Variants in SCAPER observed in about 807,000 individuals in gnomAD.
The protein encoded by SCAPER is S-phase cyclin A associated protein in the ER.
Under a neutral mutation model 182.2 loss-of-function variants are expected in SCAPER, and 98 were observed. The observed-to-expected ratio is 0.54, with a 90% CI of 0.46 to 0.64. The LOEUF (loss-of-function observed/expected upper bound fraction) is 0.64, where lower values mean the gene tolerates loss of function less well. Ranked by LOEUF, SCAPER falls within the 30% of genes least tolerant of loss-of-function variation. SCAPER has a pLI of 0.00. For missense variants in SCAPER, 1,432 were observed against 1,690.0 expected (o/e 0.85, Z 2.68); for synonymous variants, 605 against 564.6 (o/e 1.07, Z -1.01).
chr15:76,817,881 T>G (rs2067217128), intron 5 of SCAPER, among the ~76,000 whole-genome samples: 1 of 152,166 alleles, frequency 6.6e-6, no homozygotes, highest in Non-Finnish European at 1.5e-5. Flanking sequence ...ATTGTCAAAA[T>G]GTCAATCAGT....
chr15:76,831,013 G>A (rs2068425881), intron 5 of SCAPER, among the ~76,000 whole-genome samples: 2 of 152,122 alleles, frequency 1.3e-5, no homozygotes, highest in Admixed American at 1.3e-4. Flanking sequence ...CCAAAGACCT[G>A]CAGGAGCCCC....
At chr15:76,634,748 C>T (rs1254288292) in intron 21 of SCAPER, among the ~76,000 whole-genome samples, 1 of 151,942 alleles carries the variant, frequency 6.6e-6, no homozygotes, top group Non-Finnish European at 1.5e-5. Flanking sequence ...TTGGATTGCT[C>T]ATTGTTTGTA....
intron 27 of SCAPER, among the ~76,000 whole-genome samples, chr15:76,391,485 T>C (rs1193966224): frequency 6.6e-6 from 1 of 152,138 alleles, no homozygotes. Flanking sequence ...GAGTAAATAT[T>C]TGCCAAAGAA....
chr15:76,511,212 C>A (rs934607643), intron 23 of SCAPER, among the ~76,000 whole-genome samples: 5 of 151,954 alleles, frequency 3.3e-5, no homozygotes, highest in Non-Finnish European at 7.4e-5. Flanking sequence ...AGAACTTACT[C>A]ATGTAACCAA....
intron 27 of SCAPER, among the ~76,000 whole-genome samples, chr15:76,388,664 A>T (rs2043446698): frequency 6.6e-6 from 1 of 152,146 alleles, no homozygotes. Flanking sequence ...TCTACTTTGA[A>T]AATTACAGTC....
chr15:76,759,915 A>T (rs1203065639), intron 14 of SCAPER, among the ~76,000 whole-genome samples: 1 of 152,136 alleles, frequency 6.6e-6, no homozygotes, highest in Non-Finnish European at 1.5e-5. Context: ...ACCGGTCTGT[A>T]GTTTTCCCCT....
intron 1 of SCAPER, among the ~76,000 whole-genome samples, chr15:76,887,500 T>C (rs891783035): frequency 1.3e-5 from 2 of 152,064 alleles, no homozygotes; most frequent in African/African-American, 4.8e-5. Context: ...TAGGAGATCC[T>C]CTCCCATGCC....
At chr15:76,729,295 TACACACACACAC>T (rs57440824) in intron 16 of SCAPER, among the ~76,000 whole-genome samples, 1 of 144,196 alleles carries the variant, frequency 6.9e-6, no homozygotes, top group Non-Finnish European at 1.5e-5. Flanking sequence ...TATATACACA[TACACACACACAC>T]ACACACACAC....
intron 27 of SCAPER, among the ~76,000 whole-genome samples, chr15:76,386,224 A>G (rs979437563): frequency 2.6e-5 from 4 of 152,218 alleles, no homozygotes; most frequent in Admixed American, 1.3e-4. Context: ...CACCATCTCA[A>G]GATCCTTAAC....
chr15:76,666,977 A>C (rs2056619681), intron 20 of SCAPER, among the ~76,000 whole-genome samples: 1 of 152,058 alleles, frequency 6.6e-6, no homozygotes, highest in South Asian at 2.1e-4. Context: ...TATCTACATC[A>C]TCAGTTTTCC....
At chr15:76,561,064 A>T (rs919960450) in intron 23 of SCAPER, among the ~76,000 whole-genome samples, 1 of 152,134 alleles carries the variant, frequency 6.6e-6, no homozygotes, top group African/African-American at 2.4e-5. Context: ...AGACTTACAT[A>T]AATGTGGTTA....
chr15:76,789,354 C>T (rs1382767306), intron 8 of SCAPER, among the ~76,000 whole-genome samples: 1 of 152,050 alleles, frequency 6.6e-6, no homozygotes, highest in African/African-American at 2.4e-5. Context: ...AACTGGCTCA[C>T]CCTTAGAAGC....
At chr15:76,895,068 A>G (rs1458848137) in intron 1 of SCAPER, among the ~76,000 whole-genome samples, 2 of 152,304 alleles carry the variant, frequency 1.3e-5, no homozygotes, top group East Asian at 3.9e-4. Context: ...CCAGACATAA[A>G]CACTAGAAGA....
At chr15:76,727,811 C>T (rs2060680072) in intron 17 of SCAPER, among the ~76,000 whole-genome samples, 1 of 150,510 alleles carries the variant, frequency 6.6e-6, no homozygotes, top group Non-Finnish European at 1.5e-5. Context: ...ATGTAACTAA[C>T]AAAGACTTAG....
chr15:76,868,355 T>G (rs1203055242), intron 2 of SCAPER, among the ~76,000 whole-genome samples: 3 of 151,910 alleles, frequency 2.0e-5, no homozygotes, highest in Non-Finnish European at 4.4e-5. Context: ...ATCGCATCAT[T>G]GCACTCCAGC....
intron 23 of SCAPER, among the ~76,000 whole-genome samples, chr15:76,505,843 TAA>T (rs2041526620): frequency 6.6e-6 from 1 of 152,062 alleles, no homozygotes; most frequent in Admixed American, 6.5e-5. Context: ...GGAAGCAACC[TAA>T]GTGTCCATCA....
At chr15:76,564,470 C>T (rs966296489) in intron 23 of SCAPER, among the ~76,000 whole-genome samples, 2 of 151,964 alleles carry the variant, frequency 1.3e-5, no homozygotes, top group African/African-American at 4.8e-5. Context: ...GGTAAAAGAT[C>T]TCTATAAGGA....
chr15:76,867,517 T>C (rs1177944321), intron 2 of SCAPER, among the ~76,000 whole-genome samples: 1 of 152,176 alleles, frequency 6.6e-6, no homozygotes, highest in Non-Finnish European at 1.5e-5. Flanking sequence ...TCACACCATC[T>C]AAAGGTAAAA....
At chr15:76,799,090 T>C (rs560402408) in intron 7 of SCAPER, among the ~76,000 whole-genome samples, 1 of 152,176 alleles carries the variant, frequency 6.6e-6, no homozygotes, top group African/African-American at 2.4e-5. Flanking sequence ...GTGTTGAGCT[T>C]GTAATATATA....
Sources: allele counts gnomAD v4.1 joint callset (sites outside exome capture counted in the v4.1 genomes callset), GRCh38; gene constraint gnomAD v4.1.1; transcripts MANE v1.5; gene names NCBI Gene and HGNC (gene_info 2026-07-23, HGNC 2026-07-21).